ANKRD44: variants seen among roughly 807,000 people sequenced by gnomAD.
ANKRD44 encodes ankyrin repeat domain 44, also known as serine/threonine-protein phosphatase 6 regulatory ankyrin repeat subunit B.
Under a neutral mutation model 116.0 loss-of-function variants are expected in ANKRD44, and 35 were observed. The ratio of observed to expected loss-of-function variants is 0.30; its 90% CI spans 0.23 to 0.40. The LOEUF (loss-of-function observed/expected upper bound fraction) is 0.40, where lower values mean the gene tolerates loss of function less well. Among genes scored for constraint, ANKRD44 ranks in the 10% least tolerant of loss-of-function variants. ANKRD44 has a pLI of 1.00. For synonymous variants in ANKRD44, 435 were observed against 461.8 expected (o/e 0.94, Z 0.74); for missense variants, 1,014 against 1,242.6 (o/e 0.82, Z 2.77).
At chr2:197,153,964 A>C (rs1258538661) in intron 2 of ANKRD44, among the ~76,000 whole-genome samples, 1 of 152,094 alleles carries the variant, frequency 6.6e-6, no homozygotes, top group East Asian at 1.9e-4. Flanking sequence ...ACCTTTGTAC[A>C]TGTCTGTCTG....
chr2:197,081,010 G>C (rs894271880), intron 15 of ANKRD44, among the ~76,000 whole-genome samples: 3 of 152,184 alleles, frequency 2.0e-5, no homozygotes, highest in Non-Finnish European at 4.4e-5. Context: ...GACCTGTGGT[G>C]CAGAAAAGAC....
intron 8 of ANKRD44, among the ~76,000 whole-genome samples, chr2:197,120,556 C>G (rs2078828521): frequency 6.6e-6 from 1 of 151,926 alleles, no homozygotes; most frequent in Admixed American, 6.6e-5. Flanking sequence ...GAGGCTGAGG[C>G]AGGAGAATCG....
intron 19 of ANKRD44, 151 bp from the exon 20 acceptor site, chr2:197,008,074 A>T (rs1574263696): frequency 3.3e-6 from 2 of 614,968 alleles, no homozygotes; most frequent in East Asian, 5.6e-5. Context: ...TTTGCTATAC[A>T]ATATGCAGAA....
intron 18 of ANKRD44, among the ~76,000 whole-genome samples, chr2:197,009,755 C>T (rs2076263651): frequency 6.6e-6 from 1 of 152,132 alleles, no homozygotes. Context: ...AGGTAGTTTC[C>T]AGGCAGAGTG....
intron 1 of ANKRD44, among the ~76,000 whole-genome samples, chr2:197,267,442 G>C (rs2082770287): frequency 6.6e-6 from 1 of 152,182 alleles, no homozygotes; most frequent in South Asian, 2.1e-4. Flanking sequence ...TCTAAAGTAA[G>C]AGTACCTGCC....
At chr2:197,071,664 T>C (rs2077561530) in intron 16 of ANKRD44, among the ~76,000 whole-genome samples, 1 of 152,212 alleles carries the variant, frequency 6.6e-6, no homozygotes, top group Non-Finnish European at 1.5e-5. Context: ...ATATGTATTC[T>C]CATGTTGCTG....
At chr2:197,260,449 A>G (rs2082570067) in intron 1 of ANKRD44, among the ~76,000 whole-genome samples, 1 of 152,176 alleles carries the variant, frequency 6.6e-6, no homozygotes, top group African/African-American at 2.4e-5. Context: ...TCCATGGTGT[A>G]TATGTGCCAC....
At chr2:197,054,134 A>G (rs1246449341) in intron 16 of ANKRD44, among the ~76,000 whole-genome samples, 1 of 152,246 alleles carries the variant, frequency 6.6e-6, no homozygotes, top group East Asian at 1.9e-4. Context: ...ATATAATTAC[A>G]TTTATGCTCA....
At chr2:197,308,905 G>C (rs1276301436) in intron 1 of ANKRD44, among the ~76,000 whole-genome samples, 1 of 152,180 alleles carries the variant, frequency 6.6e-6, no homozygotes, top group Non-Finnish European at 1.5e-5. Context: ...GAAGGCAGAA[G>C]ACAAGAGCTA....
intron 1 of ANKRD44, among the ~76,000 whole-genome samples, chr2:197,234,404 C>T (rs1405257882): frequency 1.3e-5 from 2 of 152,182 alleles, no homozygotes; most frequent in Non-Finnish European, 1.5e-5. Flanking sequence ...GTTGCCCAGG[C>T]TGGTCTTGAA....
At chr2:197,104,409 C>A (rs1212545783) in intron 9 of ANKRD44, among the ~76,000 whole-genome samples, 3 of 152,214 alleles carry the variant, frequency 2.0e-5, no homozygotes, top group Admixed American at 1.3e-4. Flanking sequence ...GGGTGACCCA[C>A]CACACCCAGG....
chr2:197,008,913 T>C, intron 19 of ANKRD44, 31 bp downstream of exon 19: 9 of 1,605,886 alleles, frequency 5.6e-6, no homozygotes, highest in Non-Finnish European at 7.7e-6. Flanking sequence ...GATTGAAATG[T>C]CAACCCAAGG....
intron 8 of ANKRD44, among the ~76,000 whole-genome samples, chr2:197,112,047 A>G (rs1483635536): frequency 6.6e-6 from 1 of 152,212 alleles, no homozygotes; most frequent in South Asian, 2.1e-4. Context: ...CCAAGATACC[A>G]TATGTAACTA....
intron 27 of ANKRD44, chr2:196,992,851 A>T (rs1452816509): frequency 6.5e-6 from 1 of 152,686 alleles, no homozygotes; most frequent in East Asian, 1.9e-4. Context: ...ACATTATAAT[A>T]CTTTAATTAA....
At chr2:197,014,761 G>A (rs921961140) in intron 17 of ANKRD44, among the ~76,000 whole-genome samples, 2 of 151,256 alleles carry the variant, frequency 1.3e-5, no homozygotes, top group African/African-American at 4.9e-5. Context: ...TCCAGCTTGA[G>A]TGACAGAGCA....
intron 17 of ANKRD44, among the ~76,000 whole-genome samples, chr2:197,023,007 G>A (rs1260356191): frequency 6.6e-6 from 1 of 152,212 alleles, no homozygotes; most frequent in Non-Finnish European, 1.5e-5. Flanking sequence ...GTGGGGTTTT[G>A]TTCACTGCAA....
At position 196,987,940 on chromosome 2, in the gene ANKRD44, A is replaced by C. The variant is rs2075856553; in HGVS notation, c.*1651T>G. The C allele has an allele frequency of 2.0e-6, 2 of 985,082 alleles. No homozygotes were observed. The highest frequency in any genetic ancestry group is 1.2e-6 in the Non-Finnish European group (1 of 829,606). The allele number at this position is 985,082 out of a possible 1,614,324, so 61.0% of individuals were successfully genotyped here. A position where few individuals can be genotyped will look rare whatever the true frequency, so the allele number is the denominator to read the frequency against. On this transcript the variant is annotated 3_prime_UTR_variant, in exon 28 of 28. Transcript: ENST00000282272. ...AGTTTTTAAAGTCATTTCTTTAAAA[A>C]AATTTTGCCTTGGGGTATGGGAGAA...
At chr2:197,200,526 A>G (rs2081069728) in intron 1 of ANKRD44, among the ~76,000 whole-genome samples, 1 of 152,144 alleles carries the variant, frequency 6.6e-6, no homozygotes, top group Non-Finnish European at 1.5e-5. Context: ...AAAAATTCCC[A>G]AGCTTGGCTG....
At chr2:197,191,250 T>C (rs923753970) in intron 1 of ANKRD44, among the ~76,000 whole-genome samples, 2 of 152,204 alleles carry the variant, frequency 1.3e-5, no homozygotes, top group Non-Finnish European at 2.9e-5. Context: ...GTTGTTCAGA[T>C]GGGACCTGTC....
Sources: gnomAD v4.1 joint callset for allele counts (sites outside exome capture counted in the v4.1 genomes callset) on GRCh38, gnomAD v4.1.1 for gene constraint, MANE v1.5 for transcripts, NCBI Gene and HGNC (gene_info 2026-07-23, HGNC 2026-07-21) for gene names.